The following PTK2B variants were observed in gnomAD, a reference collection of about 807,000 sequenced individuals.
PTK2B encodes the protein protein-tyrosine kinase 2-beta.
A neutral mutation model predicts 142.9 loss-of-function variants in PTK2B; 71 were observed. The ratio of observed to expected loss-of-function variants is 0.50; its 90% confidence interval spans 0.41 to 0.61. The LOEUF is 0.61. Among genes scored for constraint, PTK2B ranks in the 20% least tolerant of loss-of-function variants. The probability of loss-of-function intolerance (pLI) is 0.00; values close to 1 mark genes in which losing one functional copy is unlikely to be tolerated. For synonymous variants in PTK2B, 519 were observed against 503.4 expected (o/e 1.03, Z -0.42); for missense variants, 1,105 against 1,320.4 (o/e 0.84, Z 2.53).
chr8:27,459,325 A>G lies in PTK2B; in HGVS notation c.*816A>G. ...CACCCTTCTTTTCTCATGTGTTTGC[A>G]TAAACATTCTTTTAACTTCTTTCTA... On this transcript the variant is annotated 3_prime_UTR_variant, in exon 31 of 31. Coordinates refer to ENST00000346049, the MANE Select transcript of PTK2B (RefSeq NM_173176.3). 2 of 233,262 alleles carry G rather than the reference A, an allele frequency of 8.6e-6. No homozygotes were observed. The highest frequency in any genetic ancestry group is 6.0e-5 in the East Asian group (1 of 16,594). The allele number at this position is 233,262 out of a possible 1,614,324, so 14.4% of individuals were successfully genotyped here.
chr8:27,386,376 C>A (rs916170664), intron 1 of PTK2B, among the ~76,000 whole-genome samples: 1 of 152,196 alleles, frequency 6.6e-6, no homozygotes, highest in Non-Finnish European at 1.5e-5. Context: ...AACTTCCTTG[C>A]TTCAGAAAGC....
rs1804061589 is a variant in PTK2B, at chr8:27,336,315, GT to G, written c.-38+10636del. On this transcript the variant is annotated intron_variant, in intron 1 of 30. Transcript: ENST00000346049. ...CATCTCTCATAAGATATTATCATCC[GT>G]TCTACAAACCTTTCATAAAAATGAC... Among the ~76,000 whole-genome samples the G allele has an allele frequency of 2.0e-5, 3 of 152,258 alleles. No individual in the cohort carries two copies. In the South Asian group the frequency reaches 6.2e-4, roughly 32 times the overall value.
rs1306333931 is a variant in PTK2B at position 27,458,338 on chromosome 8, C to T, written c.2859C>T (p.Leu953=). 6.2e-7 allele frequency: 1 copy of T among 1,614,148 alleles called. No individual in the cohort carries two copies. The highest frequency in any genetic ancestry group is 8.5e-7 in the Non-Finnish European group (1 of 1,180,012). The change falls in exon 31 of 31, where the codon CTC becomes CTT. Residue 953 remains leucine (L), a synonymous_variant. Transcript: ENST00000346049. The stretch of plus-strand genomic sequence containing the variant: ...TGCTCAACAAAGACCTGGCAGAGCT[C>T]ATCAACAAGATGCGGCTGGCACAGC... ...QKLLNKDLAE[L]INKMRLAQQN... is the part of the protein sequence containing the mutation.
intron 21 of PTK2B, among the ~76,000 whole-genome samples, chr8:27,441,822 C>A (rs543509843): frequency 6.6e-6 from 1 of 152,176 alleles, no homozygotes; most frequent in Non-Finnish European, 1.5e-5. Context: ...GCTGGGAGTC[C>A]TGATTCACTC....
intron 2 of PTK2B, among the ~76,000 whole-genome samples, chr8:27,414,001 A>G (rs80214409): frequency 0.016 from 2,511 of 152,320 alleles, 37 homozygotes; most frequent in Middle Eastern, 0.031. Flanking sequence ...ATACTTAAGT[A>G]ATCCTAGATG....
intron 3 of PTK2B, among the ~76,000 whole-genome samples, chr8:27,319,643 C>A (rs1365732545): frequency 0.011 from 965 of 88,696 alleles, no homozygotes; most frequent in East Asian, 0.031. Flanking sequence ...GACTCTGTCT[C>A]AAAAAAAAAA....
At chr8:27,423,194 A>C (rs750155720) in intron 5 of PTK2B, among the ~76,000 whole-genome samples, 5 of 152,198 alleles carry the variant, frequency 3.3e-5, no homozygotes, top group African/African-American at 4.8e-5. Context: ...AGTCTAAAAA[A>C]ATAGGCCTTA....
upstream of PTK2B, chr8:27,310,966 C>T: frequency 1.2e-6 from 2 of 1,612,402 alleles, no homozygotes; most frequent in Non-Finnish European, 1.7e-6. Flanking sequence ...TGGTCCAGCG[C>T]GCGCCCTCGG....
intron 1 of PTK2B, among the ~76,000 whole-genome samples, chr8:27,311,938 C>T (rs1347577534): frequency 6.6e-6 from 1 of 152,134 alleles, no homozygotes; most frequent in East Asian, 1.9e-4. Context: ...AGTACAATGG[C>T]TGTAATAGCT....
At chr8:27,413,188 T>C (rs1782722204) in intron 2 of PTK2B, among the ~76,000 whole-genome samples, 1 of 152,262 alleles carries the variant, frequency 6.6e-6, no homozygotes, top group South Asian at 2.1e-4. Flanking sequence ...ATTATCGTTA[T>C]TCTTTTTTCT....
intron 4 of PTK2B, 59 bp downstream of exon 4, chr8:27,420,803 T>C: frequency 6.9e-7 from 1 of 1,444,644 alleles, no homozygotes; most frequent in Admixed American, 1.7e-5. Context: ...ATGCCAAGCA[T>C]GAACCGTTCT....
At chr8:27,416,394 CAAAG>C (rs370849233) in intron 2 of PTK2B, among the ~76,000 whole-genome samples, 169 of 152,086 alleles carry the variant, frequency 1.1e-3, no homozygotes, top group African/African-American at 3.7e-3. Context: ...TGATTTTTGA[CAAAG>C]AAAAGCAATT....
chr8:27,369,244 T>C (rs1250207492), intron 1 of PTK2B, among the ~76,000 whole-genome samples: 3 of 152,026 alleles, frequency 2.0e-5, no homozygotes, highest in Non-Finnish European at 2.9e-5. Context: ...CCTTCTACCC[T>C]CTTATAATCA....
At chr8:27,310,825 C>A, upstream of PTK2B, 1 of 1,606,010 alleles carries the variant, frequency 6.2e-7, no homozygotes, top group African/African-American at 1.3e-5. Context: ...CAGTGTCCTT[C>A]ACCGGCTGCA....
intron 22 of PTK2B, 151 bp from the exon 23 acceptor site, chr8:27,444,055 G>T (rs908264103): frequency 1.3e-5 from 10 of 770,106 alleles, no homozygotes; most frequent in African/African-American, 1.0e-4. Context: ...CTCAATAAAT[G>T]GATGCAAAAT....
chr8:27,422,102 C>G (rs903006695), intron 4 of PTK2B, among the ~76,000 whole-genome samples: 1 of 152,172 alleles, frequency 6.6e-6, no homozygotes, highest in Non-Finnish European at 1.5e-5. Flanking sequence ...AAAAGCACCT[C>G]GAAAACCTCA....
intron 24 of PTK2B, among the ~76,000 whole-genome samples, chr8:27,449,791 A>G (rs1215666528): frequency 2.6e-5 from 4 of 152,236 alleles, no homozygotes; most frequent in African/African-American, 7.2e-5. Flanking sequence ...GAAGACATGC[A>G]ATACTTTCTG....
At chr8:27,407,999 A>G (rs1182272788) in intron 2 of PTK2B, among the ~76,000 whole-genome samples, 2 of 152,204 alleles carry the variant, frequency 1.3e-5, no homozygotes, top group African/African-American at 4.8e-5. Context: ...AATCCATTTA[A>G]ATCTTTACTG....
At chr8:27,311,112 G>C, upstream of PTK2B, 1 of 1,599,834 alleles carries the variant, frequency 6.3e-7, no homozygotes, top group Non-Finnish European at 8.5e-7. Flanking sequence ...ACGCACCCGC[G>C]GCAGAAGTTG....
Sources: allele counts gnomAD v4.1 joint callset (sites outside exome capture counted in the v4.1 genomes callset), GRCh38; gene constraint gnomAD v4.1.1; transcripts MANE v1.5; gene names NCBI Gene and HGNC (gene_info 2026-07-23, HGNC 2026-07-21).